The following VAV3 variants were observed in gnomAD, a reference collection of about 807,000 sequenced individuals.
VAV3 encodes guanine nucleotide exchange factor VAV3.
VAV3 carries 94 observed loss-of-function variants against 131.2 expected under a neutral mutation model. The observed-to-expected ratio is 0.72, with a 90% CI of 0.61 to 0.85. VAV3 has a LOEUF of 0.85. VAV3 is among the 40% of genes least tolerant of loss of function. VAV3 has a pLI of 0.00. For synonymous variants in VAV3, 349 were observed against 342.0 expected (o/e 1.02, Z -0.22); for missense variants, 939 against 1,002.7 (o/e 0.94, Z 0.86).
At chr1:107,588,515 A>C (rs1042929081) in intron 25 of VAV3, among the ~76,000 whole-genome samples, 1 of 152,192 alleles carries the variant, frequency 6.6e-6, no homozygotes, top group Non-Finnish European at 1.5e-5. Flanking sequence ...AACACATAGC[A>C]CTTCCCACAT....
At chr1:107,611,598 A>C (rs1305000463) in intron 21 of VAV3, among the ~76,000 whole-genome samples, 1 of 107,874 alleles carries the variant, frequency 9.3e-6, no homozygotes, top group Non-Finnish European at 2.1e-5. Context: ...TAGAGAACCA[A>C]AAAAAAAAAA....
intron 2 of VAV3, among the ~76,000 whole-genome samples, chr1:107,804,504 A>C (rs116804409): frequency 0.014 from 2,089 of 152,116 alleles, 49 homozygotes; most frequent in African/African-American, 0.048. Flanking sequence ...AGATCACCCC[A>C]AAAAAGAAAC....
At chr1:107,682,988 A>C (rs1337748314) in intron 19 of VAV3, among the ~76,000 whole-genome samples, 1 of 152,212 alleles carries the variant, frequency 6.6e-6, no homozygotes, top group Non-Finnish European at 1.5e-5. Context: ...CTGCAGACAA[A>C]TAATTGGTCT....
intron 2 of VAV3, among the ~76,000 whole-genome samples, chr1:107,860,441 C>G (rs1669687246): frequency 6.9e-6 from 1 of 145,102 alleles, no homozygotes; most frequent in African/African-American, 2.4e-5. Flanking sequence ...CAAATTACCA[C>G]TGGGAACAAA....
intron 1 of VAV3, among the ~76,000 whole-genome samples, chr1:107,886,589 T>C (rs1009417595): frequency 3.3e-5 from 5 of 152,354 alleles, no homozygotes; most frequent in East Asian, 3.9e-4. Flanking sequence ...CCCCCAAAGC[T>C]TCAAGAAATC....
chr1:107,851,134 T>C (rs6659722), intron 2 of VAV3, among the ~76,000 whole-genome samples: 5,299 of 139,856 alleles, frequency 0.038, 205 homozygotes, highest in African/African-American at 0.11. Context: ...ATAGCGCCAC[T>C]GCAGTCCAGC....
chr1:107,581,999 T>C (rs1650086975), intron 25 of VAV3, among the ~76,000 whole-genome samples: 1 of 152,236 alleles, frequency 6.6e-6, no homozygotes, highest in Non-Finnish European at 1.5e-5. Flanking sequence ...ACTCAGTTTT[T>C]AGTTGTAACA....
At chr1:107,625,419 A>T (rs1350514798) in intron 20 of VAV3, among the ~76,000 whole-genome samples, 1 of 151,802 alleles carries the variant, frequency 6.6e-6, no homozygotes, top group East Asian at 1.9e-4. Context: ...GGCACATACC[A>T]CCATGCCTGG....
At chr1:107,924,505 T>C (rs1205662731) in intron 1 of VAV3, among the ~76,000 whole-genome samples, 4 of 152,082 alleles carry the variant, frequency 2.6e-5, no homozygotes, top group Admixed American at 2.6e-4. Flanking sequence ...AAGGAAATAT[T>C]ACCTCCTGGT....
At chr1:107,916,667 T>A (rs949122878) in intron 1 of VAV3, among the ~76,000 whole-genome samples, 1 of 152,196 alleles carries the variant, frequency 6.6e-6, no homozygotes, top group East Asian at 1.9e-4. Flanking sequence ...TAAATACTGA[T>A]AAATAACATA....
intron 1 of VAV3, among the ~76,000 whole-genome samples, chr1:107,939,830 G>A (rs1385339766): frequency 6.6e-6 from 1 of 152,074 alleles, no homozygotes; most frequent in East Asian, 1.9e-4. Flanking sequence ...CATTGCTCTT[G>A]GGGAATACTT....
chr1:107,594,739 C>T (rs1651236935), intron 25 of VAV3, among the ~76,000 whole-genome samples: 1 of 152,080 alleles, frequency 6.6e-6, no homozygotes, highest in African/African-American at 2.4e-5. Context: ...GTACTAAACA[C>T]TAAGGAATTG....
chr1:107,774,688 C>G (rs1665238250), intron 4 of VAV3, among the ~76,000 whole-genome samples: 1 of 152,178 alleles, frequency 6.6e-6, no homozygotes, highest in Non-Finnish European at 1.5e-5. Flanking sequence ...ATTACCTGCC[C>G]TCTCCACTCC....
At chr1:107,764,091 A>C (rs888219584) in intron 9 of VAV3, among the ~76,000 whole-genome samples, 1 of 152,064 alleles carries the variant, frequency 6.6e-6, no homozygotes, top group African/African-American at 2.4e-5. Context: ...AAAAAACAAA[A>C]AACAAAAAAC....
At position 107,574,033 on chromosome 1, in the gene VAV3, G is replaced by A; in HGVS notation, c.2502+14C>T. On this transcript the variant is annotated intron_variant, in intron 26 of 26. Transcript: ENST00000370056. The stretch of plus-strand genomic sequence containing the variant: ...TCTTTCACATGCACCAGCACATCGA[G>A]AGGGCCAACTTACCCTGCCATTTAC... 2 of 1,613,270 alleles carry A rather than the reference G, an allele frequency of 1.2e-6. No homozygotes were observed. The highest frequency in any genetic ancestry group is 1.7e-6 in the Non-Finnish European group (2 of 1,179,612).
chr1:107,925,953 G>A (rs1342551378), intron 1 of VAV3, among the ~76,000 whole-genome samples: 1 of 151,460 alleles, frequency 6.6e-6, no homozygotes, highest in Admixed American at 6.6e-5. Context: ...TGTATCTCTT[G>A]CATCTTTTAA....
intron 25 of VAV3, among the ~76,000 whole-genome samples, chr1:107,593,135 C>T (rs962718948): frequency 3.3e-5 from 5 of 152,040 alleles, no homozygotes; most frequent in African/African-American, 4.8e-5. Flanking sequence ...ACAATGGGCC[C>T]CTAACTTTAA....
At chr1:107,948,650 C>T (rs1426485746) in intron 1 of VAV3, among the ~76,000 whole-genome samples, 1 of 152,150 alleles carries the variant, frequency 6.6e-6, no homozygotes, top group Non-Finnish European at 1.5e-5. Flanking sequence ...TCAAGACCAG[C>T]CTAGCCAACA....
At chr1:107,831,257 A>G (rs563790527) in intron 2 of VAV3, among the ~76,000 whole-genome samples, 13 of 152,218 alleles carry the variant, frequency 8.5e-5, no homozygotes, top group Non-Finnish European at 1.8e-4. Context: ...AAAATACTTT[A>G]AAATAATATA....
Sources: gnomAD v4.1 joint callset for allele counts (sites outside exome capture counted in the v4.1 genomes callset) on GRCh38, gnomAD v4.1.1 for gene constraint, MANE v1.5 for transcripts, NCBI Gene and HGNC (gene_info 2026-07-23, HGNC 2026-07-21) for gene names.